NELL2: variants seen among roughly 807,000 people sequenced by gnomAD.
The protein encoded by NELL2 is neural EGFL like 2, also known as protein kinase C-binding protein NELL2.
In NELL2, 41 loss-of-function variants were observed where a neutral mutation model predicts 109.6. The observed-to-expected ratio is 0.37, with a 90% CI of 0.29 to 0.49. The LOEUF (loss-of-function observed/expected upper bound fraction) is 0.49. NELL2 is among the 20% of genes least tolerant of loss of function. The pLI is 0.98. For synonymous variants in NELL2, 355 were observed against 344.7 expected, an observed-to-expected ratio of 1.03 and a Z score of -0.33; for missense variants, 900 against 1,008.3, an observed-to-expected ratio of 0.89 and a Z score of 1.45.
At position 44,779,996 on chromosome 12, in the gene NELL2, T is replaced by C. The variant is rs368415511; in HGVS notation, c.362A>G (p.His121Arg). 9 of 1,613,630 alleles carry C rather than the reference T, an allele frequency of 5.6e-6. No individual in the cohort carries two copies. The highest frequency in any genetic ancestry group is 6.8e-6 in the Non-Finnish European group (8 of 1,179,700). ...GTAATGCAGTCTGACTTCATTCCGA[T>C]GGCCACTACTTTCCAGTTCCAGGTA... ...HRYLELESSG[H>R]RNEVRLHYRS... Residue 121 changes from histidine to arginine, a missense_variant, in exon 4 of 20, where the codon CAT (histidine) becomes CGT (arginine). Coordinates refer to ENST00000429094, the MANE Select transcript of NELL2 (RefSeq NM_001145108.2).
intron 2 of NELL2, among the ~76,000 whole-genome samples, chr12:44,843,837 C>T (rs1027379295): frequency 5.9e-5 from 9 of 152,034 alleles, no homozygotes; most frequent in South Asian, 2.1e-4. Context: ...GCCTGGGCAA[C>T]GTGGTGAAAC....
intron 2 of NELL2, among the ~76,000 whole-genome samples, chr12:44,839,317 T>A (rs1402547895): frequency 1.3e-5 from 2 of 152,174 alleles, no homozygotes; most frequent in Non-Finnish European, 2.9e-5. Flanking sequence ...ATCTTCATGC[T>A]GCTTAAAATA....
At chr12:44,843,761 C>T (rs139600663) in intron 2 of NELL2, among the ~76,000 whole-genome samples, 72 of 152,266 alleles carry the variant, frequency 4.7e-4, no homozygotes, top group African/African-American at 1.7e-3. Flanking sequence ...GTGGCTCATA[C>T]CTTTACTCCC....
intron 9 of NELL2, 88 bp downstream of exon 9, chr12:44,774,659 C>A (rs189218891): frequency 4.7e-6 from 5 of 1,060,312 alleles, no homozygotes; most frequent in Admixed American, 1.8e-5. Context: ...ATTTAGCTTG[C>A]CCAGATTAAA....
intron 15 of NELL2, among the ~76,000 whole-genome samples, chr12:44,581,312 A>T (rs995683762): frequency 5.9e-5 from 9 of 152,242 alleles, no homozygotes; most frequent in Non-Finnish European, 1.0e-4. Context: ...AGATTTTTTT[A>T]AAATCTTTTA....
intron 3 of NELL2, among the ~76,000 whole-genome samples, chr12:44,807,109 T>C (rs137910949): frequency 0.015 from 2,219 of 151,684 alleles, 52 homozygotes; most frequent in African/African-American, 0.05. Flanking sequence ...ACGAGGAAGA[T>C]ATTAAGTGAA....
intron 2 of NELL2, among the ~76,000 whole-genome samples, chr12:44,828,103 T>C (rs574327274): frequency 1.1e-4 from 17 of 152,216 alleles, no homozygotes; most frequent in Non-Finnish European, 1.5e-4. Context: ...TTGCCATTTG[T>C]ATGACTTCTT....
intron 3 of NELL2, among the ~76,000 whole-genome samples, chr12:44,795,673 G>A (rs1018310354): frequency 5.3e-5 from 8 of 152,160 alleles, no homozygotes; most frequent in African/African-American, 1.9e-4. Context: ...ATCCACTCTA[G>A]TGGATTAATC....
chr12:44,597,342 G>T (rs137982511), intron 15 of NELL2, among the ~76,000 whole-genome samples: 3 of 152,178 alleles, frequency 2.0e-5, no homozygotes, highest in Non-Finnish European at 4.4e-5. Flanking sequence ...TTCATCTCCT[G>T]GAAAACTTTT....
At chr12:44,911,816 T>C (rs1262215129) in intron 1 of NELL2, among the ~76,000 whole-genome samples, 1 of 151,738 alleles carries the variant, frequency 6.6e-6, no homozygotes, top group Non-Finnish European at 1.5e-5. Context: ...AAGGAGGTGG[T>C]GACTAAATCT....
intron 15 of NELL2, among the ~76,000 whole-genome samples, chr12:44,566,654 G>A (rs1592130861): frequency 6.6e-6 from 1 of 152,078 alleles, no homozygotes. Flanking sequence ...CAGAAAATCT[G>A]AGTTCAAATC....
chr12:44,709,388 C>G (rs1389988965), intron 11 of NELL2, among the ~76,000 whole-genome samples: 1 of 152,106 alleles, frequency 6.6e-6, no homozygotes, highest in African/African-American at 2.4e-5. Context: ...GAGGGAGTGC[C>G]AGCTGGCTCA....
At chr12:44,850,469 A>G (rs902221784) in intron 2 of NELL2, among the ~76,000 whole-genome samples, 3 of 152,106 alleles carry the variant, frequency 2.0e-5, no homozygotes, top group African/African-American at 7.2e-5. Context: ...TAAAACTATA[A>G]TATATTAGTG....
chr12:44,644,619 TATATATACATAC>T (rs1947014284), intron 13 of NELL2, among the ~76,000 whole-genome samples: 2 of 95,000 alleles, frequency 2.1e-5, no homozygotes, highest in South Asian at 6.7e-4. Context: ...TATATATATA[TATATATACATAC>T]ATATATATAT....
rs952026258 is a variant in NELL2 at position 44,779,732 on chromosome 12, G to A, written c.537C>T (p.Pro179=). Residue 179 remains proline, a synonymous_variant, in exon 5 of 20, where the codon CCC becomes CCT. Transcript: ENST00000429094. ...NKIYERVVEK[P]STDLPLGTTF... ...TTGTGCCTAGAGGCAAGTCTGTGGA[G>A]GGCTTTTCTACTACCCTTTCATAAA... 2 of 1,613,818 alleles carry A rather than the reference G, an allele frequency of 1.2e-6. No individual in the cohort carries two copies. Among genetic ancestry groups the A allele is most frequent in the Non-Finnish European group, 1.7e-6 (2 of 1,179,874 alleles).
At chr12:44,603,716 G>A (rs988141183) in intron 15 of NELL2, among the ~76,000 whole-genome samples, 8 of 152,044 alleles carry the variant, frequency 5.3e-5, no homozygotes, top group Admixed American at 1.3e-4. Flanking sequence ...CATACACATC[G>A]CCCTTTTGTG....
At chr12:44,669,808 AAGG>A (rs1222401091) in intron 12 of NELL2, among the ~76,000 whole-genome samples, 1 of 152,154 alleles carries the variant, frequency 6.6e-6, no homozygotes, top group African/African-American at 2.4e-5. Flanking sequence ...GGAGTTCCAG[AAGG>A]AGAAGAGATG....
chr12:44,834,149 G>C (rs1249518426), intron 2 of NELL2, among the ~76,000 whole-genome samples: 2 of 152,028 alleles, frequency 1.3e-5, no homozygotes, highest in Admixed American at 6.6e-5. Context: ...TAGGAAATTA[G>C]GCCCAAACAT....
At chr12:44,906,577 A>T (rs1223663682) in intron 1 of NELL2, among the ~76,000 whole-genome samples, 2 of 152,054 alleles carry the variant, frequency 1.3e-5, no homozygotes, top group Admixed American at 6.6e-5. Context: ...CAGAGTAGAT[A>T]GGATTTACTG....
Sources: allele counts gnomAD v4.1 joint callset (sites outside exome capture counted in the v4.1 genomes callset), GRCh38; gene constraint gnomAD v4.1.1; transcripts MANE v1.5; gene names NCBI Gene and HGNC (gene_info 2026-07-23, HGNC 2026-07-21).